IARS1: variants seen among roughly 807,000 people sequenced by gnomAD.
IARS1 encodes isoleucine--tRNA ligase, cytoplasmic.
Under a neutral mutation model 168.2 loss-of-function variants are expected in IARS1, and 124 were observed. The observed-to-expected ratio is 0.74, with a 90% CI of 0.64 to 0.86. The LOEUF (loss-of-function observed/expected upper bound fraction) is 0.86, where lower values mean the gene tolerates loss of function less well. Ranked by LOEUF, IARS1 falls within the 40% of genes least tolerant of loss-of-function variation. The pLI is 0.00. For missense variants in IARS1, 1,452 were observed against 1,515.8 expected (o/e 0.96, Z 0.70); for synonymous variants, 532 against 529.4 (o/e 1.00, Z -0.07).
At chr9:92,267,657 C>T (rs567388873) in intron 14 of IARS1, among the ~76,000 whole-genome samples, 153 of 152,316 alleles carry the variant, frequency 1.0e-3, no homozygotes, top group Non-Finnish European at 1.6e-3. Flanking sequence ...TCACACCCGG[C>T]CTAAAGTCAG....
rs1835952886 is a variant in IARS1 at position 92,289,347 on chromosome 9, A to G, written c.73T>C (p.Phe25Leu). The G allele has an allele frequency of 6.3e-7, 1 of 1,590,590 alleles. No individual in the cohort carries two copies. The highest frequency in any genetic ancestry group is 2.2e-5 in the East Asian group (1 of 44,720). ...EEKILEFWTE[F>L]NCFQECLKQS... is the part of the protein sequence containing the mutation. ...TTTAAGCATTCCTGAAAACAATTAA[A>G]TTCAGTCCAAAACTCCAAGATTTTC... Residue 25 changes from phenylalanine to leucine, a missense_variant, in exon 2 of 34, where the codon TTT (phenylalanine) becomes CTT (leucine). Phe to Leu is a conservative substitution (Grantham distance 22, BLOSUM62 0). Coordinates refer to ENST00000443024, the MANE Select transcript of IARS1 (RefSeq NM_002161.6).
chr9:92,258,902 C>T lies in IARS1; in HGVS notation c.1968G>A (p.Trp656Ter), dbSNP rs753793829. Residue 656 changes from tryptophan (W) to a stop codon, truncating the protein, a stop_gained, in exon 19 of 34, where the codon TGG (tryptophan) becomes TGA (stop). Transcript: ENST00000443024. LOFTEE classifies it high-confidence loss of function. ...RDVLKDVLLPWYNAYRFLIQN... is the reference protein window; with the variant it reads ...RDVLKDVLLP The stretch of plus-strand genomic sequence containing the variant: ...GGATTAAGAAGCGATAGGCATTGTA[C>T]CATGGGAGCAGTACATCCTTAAGGA... 1 of 1,613,894 alleles carries T rather than the reference C, an allele frequency of 6.2e-7. No individual in the cohort carries two copies. The highest frequency in any genetic ancestry group is 8.5e-7 in the Non-Finnish European group (1 of 1,179,942).
rs1264325543 is a variant in IARS1 at position 92,271,665 on chromosome 9, G to A, written c.991-10C>T. The A allele has an allele frequency of 6.2e-7, 1 of 1,613,886 alleles. No homozygotes were observed. Among genetic ancestry groups the A allele is most frequent in the Non-Finnish European group, 8.5e-7 (1 of 1,179,802 alleles). On this transcript the variant is annotated splice_polypyrimidine_tract_variant and intron_variant, in intron 10 of 33. Coordinates refer to ENST00000443024, the MANE Select transcript of IARS1 (RefSeq NM_002161.6). ...AGACCCGATAGTCCTCCTGAGAAAA[G>A]GCAAAAGAGAGGGAAGAATAAAACA...
intron 30 of IARS1, among the ~76,000 whole-genome samples, chr9:92,239,451 T>C (rs1179580007): frequency 6.6e-6 from 1 of 152,218 alleles, no homozygotes; most frequent in East Asian, 1.9e-4. Context: ...TTATATCTTT[T>C]TCACTGCACA....
chr9:92,251,994 G>A (rs1830067429), intron 21 of IARS1, 109 bp from the exon 22 acceptor site: 1 of 781,310 alleles, frequency 1.3e-6, no homozygotes, highest in Non-Finnish European at 2.1e-6. Context: ...GCAGCATACA[G>A]ACAAGACATG....
At chr9:92,278,047 T>C in intron 8 of IARS1, 124 bp from the exon 9 acceptor site, 2 of 1,070,750 alleles carry the variant, frequency 1.9e-6, no homozygotes, top group South Asian at 1.3e-5. Flanking sequence ...TGCTGTAATG[T>C]GTGACTGCAA....
At chr9:92,283,011 C>A (rs191113408) in intron 6 of IARS1, among the ~76,000 whole-genome samples, 2 of 151,812 alleles carry the variant, frequency 1.3e-5, no homozygotes, top group African/African-American at 4.8e-5. Flanking sequence ...CACGCCACCA[C>A]GCCCAGCTAA....
chr9:92,217,708 C>A (rs921496804), intron 33 of IARS1, among the ~76,000 whole-genome samples: 62 of 152,098 alleles, frequency 4.1e-4, no homozygotes, highest in Non-Finnish European at 1.8e-4. Flanking sequence ...CATACATTCT[C>A]CCAAGACTAA....
Position 92,210,544 on chromosome 9 carries a change from G to C in IARS1, c.*263C>G. 1 of 334,300 alleles carries C rather than the reference G, an allele frequency of 3.0e-6. No individual in the cohort carries two copies. The highest frequency in any genetic ancestry group is 5.5e-6 in the Non-Finnish European group (1 of 182,418). The allele number at this position is 334,300 out of a possible 1,614,324, so 20.7% of individuals were successfully genotyped here. A position where few individuals can be genotyped will look rare whatever the true frequency, so the allele number is the denominator to read the frequency against. ...TTCTGTACTTAAGAACTCAAGTATAGAAATAAACTGTGGGCTGAAGTAACA... is the reference window on the plus strand; with the variant it reads ...TTCTGTACTTAAGAACTCAAGTATACAAATAAACTGTGGGCTGAAGTAACA... On this transcript the variant is annotated 3_prime_UTR_variant, in exon 34 of 34. Transcript: ENST00000443024.
chr9:92,258,179 G>A (rs760378812), intron 19 of IARS1, among the ~76,000 whole-genome samples: 10 of 152,264 alleles, frequency 6.6e-5, no homozygotes, highest in Middle Eastern at 3.4e-3. Context: ...CTGTGACTCC[G>A]CCTTCACTGG....
intron 28 of IARS1, chr9:92,242,963 T>C (rs1828651720): frequency 7.5e-6 from 3 of 399,214 alleles, no homozygotes; most frequent in African/African-American, 4.1e-5. Flanking sequence ...GGATATTCTG[T>C]AGAAGCCCAA....
Position 92,210,861 on chromosome 9 carries a change from AGT to A in IARS1, c.3733_3734del (p.Thr1245PhefsTer64), listed in dbSNP as rs756239563. ...QEITEDIPVK[T>X]LNMKTVYVSV... is the part of the protein sequence containing the mutation. Reference sequence around the variant, plus strand: ...AAACATACACAGTCTTCATATTCAAAGTCTTCACGGGGATGTCTTCTGTAATT... The same window carrying A: ...AAACATACACAGTCTTCATATTCAAACTTCACGGGGATGTCTTCTGTAATT... On this transcript the variant is annotated frameshift_variant, in exon 34 of 34. Coordinates refer to ENST00000443024, the MANE Select transcript of IARS1 (RefSeq NM_002161.6). LOFTEE classifies it high-confidence loss of function. 2.0e-5 allele frequency: 32 copies of A among 1,610,334 alleles called. No individual in the cohort carries two copies. The highest frequency in any genetic ancestry group is 2.5e-5 in the Non-Finnish European group (30 of 1,176,500).
At chr9:92,264,898 A>G (rs1832060782) in intron 16 of IARS1, 31 bp downstream of exon 16, 1 of 1,572,150 alleles carries the variant, frequency 6.4e-7, no homozygotes, top group African/African-American at 1.4e-5. Context: ...AAAATCAATA[A>G]AACACGTGAT....
At chr9:92,247,336 C>A in intron 26 of IARS1, 41 bp downstream of exon 26, 2 of 1,578,338 alleles carry the variant, frequency 1.3e-6, no homozygotes, top group African/African-American at 1.4e-5. Flanking sequence ...ATCCCTCAGA[C>A]TCAGGACATA....
intron 33 of IARS1, among the ~76,000 whole-genome samples, chr9:92,218,988 G>A (rs1317509920): frequency 2.8e-4 from 42 of 152,196 alleles, no homozygotes; most frequent in African/African-American, 8.9e-4. Context: ...AAAAGAACAA[G>A]GCTGGAGGCA....
Position 92,215,876 on chromosome 9 carries a change from T to A in IARS1, c.3707-4987A>T, listed in dbSNP as rs1351009157. Among the ~76,000 whole-genome samples the A allele has an allele frequency of 1.4e-3, 208 of 152,150 alleles. 2 individuals carry two copies. The highest frequency in any genetic ancestry group is 2.4e-3 in the Non-Finnish European group (161 of 67,932). The stretch of plus-strand genomic sequence containing the variant: ...GGATATTATCCAGGAGAACTTCCCC[T>A]ATCTAGCGAGGCAGGCCAACGTTCA... On this transcript the variant is annotated intron_variant, in intron 33 of 33. Coordinates refer to ENST00000443024, the MANE Select transcript of IARS1 (RefSeq NM_002161.6).
chr9:92,263,737 G>C (rs1831870911), intron 16 of IARS1, among the ~76,000 whole-genome samples: 1 of 152,166 alleles, frequency 6.6e-6, no homozygotes. Context: ...AGGTAGCCCA[G>C]GCCTCAGGAA....
intron 30 of IARS1, among the ~76,000 whole-genome samples, chr9:92,232,224 C>T (rs1826824109): frequency 6.6e-6 from 1 of 152,168 alleles, no homozygotes; most frequent in South Asian, 2.1e-4. Context: ...TGGTAATTTA[C>T]AGCCTAGGGG....
At chr9:92,211,871 T>C (rs1046772063) in intron 33 of IARS1, among the ~76,000 whole-genome samples, 4 of 152,158 alleles carry the variant, frequency 2.6e-5, no homozygotes, top group African/African-American at 9.7e-5. Flanking sequence ...CAAAGGATCA[T>C]GTTAAAGAAT....
Sources: gnomAD v4.1 joint callset for allele counts (sites outside exome capture counted in the v4.1 genomes callset) on GRCh38, gnomAD v4.1.1 for gene constraint, MANE v1.5 for transcripts, NCBI Gene and HGNC (gene_info 2026-07-23, HGNC 2026-07-21) for gene names.